The following TECPR2 variants were observed in gnomAD, a reference collection of about 807,000 sequenced individuals.
TECPR2 encodes tectonin beta-propeller repeat-containing protein 2.
Under a neutral mutation model 138.1 loss-of-function variants are expected in TECPR2, and 65 were observed. The ratio of observed to expected loss-of-function variants is 0.47; its 90% confidence interval spans 0.39 to 0.58. The LOEUF (loss-of-function observed/expected upper bound fraction) is 0.58. Among genes scored for constraint, TECPR2 ranks in the 20% least tolerant of loss-of-function variants. The probability of loss-of-function intolerance (pLI) is 0.00; values close to 1 mark genes in which losing one functional copy is unlikely to be tolerated. For synonymous variants in TECPR2, 746 were observed against 749.8 expected, an observed-to-expected ratio of 0.99 and a Z score of 0.08; for missense variants, 1,553 against 1,824.5, an observed-to-expected ratio of 0.85 and a Z score of 2.71.
chr14:102,428,849 C>CTTTT (rs541769149), intron 7 of TECPR2, among the ~76,000 whole-genome samples: 1 of 141,130 alleles, frequency 7.1e-6, no homozygotes. Flanking sequence ...TCCTCTGATT[C>CTTTT]TTTTTTTTTT....
At chr14:102,448,793 G>C (rs1046837383) in intron 13 of TECPR2, among the ~76,000 whole-genome samples, 1 of 152,088 alleles carries the variant, frequency 6.6e-6, no homozygotes, top group Non-Finnish European at 1.5e-5. Flanking sequence ...CTTGAACCCA[G>C]GAGGCAGAGG....
intron 4 of TECPR2, among the ~76,000 whole-genome samples, chr14:102,413,210 C>T (rs958067016): frequency 6.6e-5 from 10 of 151,870 alleles, no homozygotes; most frequent in East Asian, 1.9e-4. Context: ...CAAAAAGGGA[C>T]GAAATTTACT....
intron 16 of TECPR2, among the ~76,000 whole-genome samples, chr14:102,463,664 C>G (rs969844815): frequency 6.6e-6 from 1 of 152,092 alleles, no homozygotes; most frequent in African/African-American, 2.4e-5. Flanking sequence ...TGGCTCACAC[C>G]TGTAATCCCA....
At chr14:102,432,298 T>TACACACAC (rs10650505) in intron 8 of TECPR2, among the ~76,000 whole-genome samples, 170 bp downstream of exon 8, 11 of 148,902 alleles carry the variant, frequency 7.4e-5, no homozygotes, top group Non-Finnish European at 1.3e-4. Context: ...TAACGGAAAA[T>TACACACAC]ACACACACAC....
At chr14:102,448,807 C>T (rs1006849537) in intron 13 of TECPR2, among the ~76,000 whole-genome samples, 4 of 151,788 alleles carry the variant, frequency 2.6e-5, no homozygotes, top group African/African-American at 9.7e-5. Flanking sequence ...GCAGAGGTTG[C>T]GGTGAGCCAA....
intron 7 of TECPR2, among the ~76,000 whole-genome samples, chr14:102,430,235 A>G (rs1185680226): frequency 1.3e-5 from 2 of 152,110 alleles, no homozygotes; most frequent in East Asian, 3.8e-4. Flanking sequence ...TAGCCTCCCA[A>G]AGTGATGGGA....
intron 2 of TECPR2, among the ~76,000 whole-genome samples, chr14:102,399,333 A>G (rs1455066167): frequency 6.6e-6 from 1 of 152,204 alleles, no homozygotes; most frequent in Admixed American, 6.6e-5. Flanking sequence ...TCAGAGTGTT[A>G]AAAAGAAAGA....
chr14:102,407,926 G>A (rs1342681705), intron 3 of TECPR2, among the ~76,000 whole-genome samples: 1 of 152,140 alleles, frequency 6.6e-6, no homozygotes, highest in African/African-American at 2.4e-5. Flanking sequence ...GAACCCGGAA[G>A]ACGGAGCTTG....
At chr14:102,446,640 C>G (rs1341990767) in intron 13 of TECPR2, among the ~76,000 whole-genome samples, 2 of 152,236 alleles carry the variant, frequency 1.3e-5, no homozygotes, top group East Asian at 3.9e-4. Flanking sequence ...AATCCACCCT[C>G]TCCGCCTCCC....
In TECPR2 at chr14:102,498,239, C is replaced by T. The variant is rs781071686; in HGVS notation, c.4218C>T (p.Asp1406=). 29 of 1,603,048 alleles carry T rather than the reference C, an allele frequency of 1.8e-5. No homozygotes were observed. Among genetic ancestry groups the T allele is most frequent in the East Asian group, 4.5e-5 (2 of 44,870 alleles). The change falls in exon 20 of 20, where the codon GAC becomes GAT. Residue 1406 remains aspartate, a synonymous_variant. Transcript: ENST00000359520. The part of the protein sequence containing the change: ...AAMPHPEDLE[D]EWEVI ...TGCCCCACCCTGAGGACCTGGAGGA[C>T]GAGTGGGAGGTCATCTGAAGGAGCC...
At chr14:102,470,256 GTTTT>G (rs1890628724) in intron 17 of TECPR2, among the ~76,000 whole-genome samples, 1 of 151,258 alleles carries the variant, frequency 6.6e-6, no homozygotes, top group African/African-American at 2.4e-5. Flanking sequence ...TTTGTGGGAA[GTTTT>G]TTTGACTACT....
intron 2 of TECPR2, among the ~76,000 whole-genome samples, chr14:102,386,758 G>A (rs1321189091): frequency 6.6e-6 from 1 of 152,118 alleles, no homozygotes; most frequent in Non-Finnish European, 1.5e-5. Context: ...TTTGTTTTGA[G>A]CTTTGGCTGC....
intron 17 of TECPR2, among the ~76,000 whole-genome samples, chr14:102,492,267 A>C (rs1052743764): frequency 6.6e-6 from 1 of 152,116 alleles, no homozygotes; most frequent in Non-Finnish European, 1.5e-5. Flanking sequence ...CCTGCCAGGG[A>C]GTGCCAGTCC....
At chr14:102,428,078 G>A (rs1889372761) in intron 6 of TECPR2, among the ~76,000 whole-genome samples, 172 bp from the exon 7 acceptor site, 1 of 152,162 alleles carries the variant, frequency 6.6e-6, no homozygotes, top group African/African-American at 2.4e-5. Flanking sequence ...TTACCAATCT[G>A]TGAGATGTTA....
rs2139715937 is a variant in TECPR2 at position 102,425,015 on chromosome 14, C to A, written c.675C>A (p.Leu225=). The change falls in exon 6 of 20, where the codon CTC becomes CTA. Residue 225 remains leucine (L), a synonymous_variant. Transcript: ENST00000359520. ...GKFGACFIPG[L]CKQSDLTLYA... ...TTGGTGCTTGTTTTATACCAGGACT[C>A]TGTAAGCAAAGTGATCTAACCTTGT... 1 of 1,614,048 alleles carries A rather than the reference C, an allele frequency of 6.2e-7. No individual in the cohort carries two copies. Among genetic ancestry groups the A allele is most frequent in the South Asian group, 1.1e-5 (1 of 91,064 alleles).
intron 2 of TECPR2, among the ~76,000 whole-genome samples, chr14:102,406,356 G>T (rs1033322373): frequency 2.0e-5 from 3 of 151,704 alleles, no homozygotes; most frequent in Non-Finnish European, 2.9e-5. Context: ...AGACCATCCT[G>T]CCTAACACGG....
chr14:102,441,978 A>ATGT (rs970547730), intron 11 of TECPR2, among the ~76,000 whole-genome samples: 5 of 152,004 alleles, frequency 3.3e-5, no homozygotes, highest in Admixed American at 6.6e-5. Context: ...TTCCAGGAGA[A>ATGT]TGTTGTTGTT....
chr14:102,478,704 T>G (rs1567358594), intron 17 of TECPR2, among the ~76,000 whole-genome samples: 1 of 150,170 alleles, frequency 6.7e-6, no homozygotes, highest in African/African-American at 2.5e-5. Flanking sequence ...TTGTGTTTGG[T>G]TTGCAGAGGG....
intron 14 of TECPR2, 28 bp from the exon 15 acceptor site, chr14:102,450,532 A>T (rs755124149): frequency 6.2e-7 from 1 of 1,610,508 alleles, no homozygotes; most frequent in Non-Finnish European, 8.5e-7. Flanking sequence ...TCTTTCTTTA[A>T]CACATTCTTC....
Sources: gnomAD v4.1 joint callset for allele counts (sites outside exome capture counted in the v4.1 genomes callset) on GRCh38, gnomAD v4.1.1 for gene constraint, MANE v1.5 for transcripts, NCBI Gene and HGNC (gene_info 2026-07-23, HGNC 2026-07-21) for gene names.